CTNNA3: variants seen among roughly 807,000 people sequenced by gnomAD.
CTNNA3 encodes the protein catenin alpha-3.
In CTNNA3, 76 loss-of-function variants were observed where a neutral mutation model predicts 95.7. The ratio of observed to expected loss-of-function variants is 0.79; its 90% confidence interval spans 0.66 to 0.96. CTNNA3 has a LOEUF of 0.96. CTNNA3 is among the 40% of genes least tolerant of loss of function. The pLI is 0.00. For synonymous variants in CTNNA3, 431 were observed against 374.4 expected, an observed-to-expected ratio of 1.15 and a Z score of -1.74; for missense variants, 1,191 against 1,089.8, an observed-to-expected ratio of 1.09 and a Z score of -1.31.
At chr10:66,914,179 G>A (rs1241905658) in intron 7 of CTNNA3, among the ~76,000 whole-genome samples, 3 of 144,410 alleles carry the variant, frequency 2.1e-5, no homozygotes, top group African/African-American at 7.8e-5. Flanking sequence ...CCCCCAGGCT[G>A]GAGTGCAGTG....
rs753029606 is a variant in CTNNA3, at chr10:65,920,520, A to G, written c.2498T>C (p.Ile833Thr). 8 of 1,614,106 alleles carry G rather than the reference A, an allele frequency of 5.0e-6. No homozygotes were observed. The highest frequency in any genetic ancestry group is 5.9e-6 in the Non-Finnish European group (7 of 1,180,022). The change falls in exon 18 of 18, where the codon ATC becomes ACC. Residue 833 changes from isoleucine (I) to threonine (T), a missense_variant. Ile to Thr is a moderately conservative substitution (Grantham distance 89, BLOSUM62 -1). Coordinates refer to ENST00000433211, the MANE Select transcript of CTNNA3 (RefSeq NM_013266.4). ...GGGCCCAGCAGGACTCTGGATTCGG[A>G]TGATCTTGGTTGAGGCAATGTAAGA... The part of the protein sequence containing the change: ...KMSYIASTKI[I>T]RIQSPAGPRH...
chr10:67,163,595 G>A (rs1284271040), intron 7 of CTNNA3, among the ~76,000 whole-genome samples: 1 of 151,794 alleles, frequency 6.6e-6, no homozygotes, highest in Non-Finnish European at 1.5e-5. Context: ...CCACACTTAC[G>A]CACCATATTT....
intron 9 of CTNNA3, among the ~76,000 whole-genome samples, chr10:66,713,739 T>A (rs1848366759): frequency 6.6e-6 from 1 of 152,098 alleles, no homozygotes; most frequent in Admixed American, 6.6e-5. Context: ...TGAATCAGCA[T>A]TTAAAACTCA....
intron 1 of CTNNA3, among the ~76,000 whole-genome samples, chr10:67,718,386 T>C (rs185168592): frequency 6.6e-6 from 1 of 152,230 alleles, no homozygotes; most frequent in Admixed American, 6.5e-5. Flanking sequence ...TCTTGTCTTG[T>C]GCCAGTTTTC....
At chr10:67,017,315 G>C (rs191832648) in intron 7 of CTNNA3, among the ~76,000 whole-genome samples, 19 of 152,236 alleles carry the variant, frequency 1.2e-4, no homozygotes, top group Non-Finnish European at 8.8e-5. Flanking sequence ...AGTGAGGTTA[G>C]GTTAGTTACC....
At chr10:66,733,636 C>A (rs374940947) in intron 9 of CTNNA3, among the ~76,000 whole-genome samples, 1 of 151,480 alleles carries the variant, frequency 6.6e-6, no homozygotes, top group South Asian at 2.1e-4. Flanking sequence ...CTTACTTAAC[C>A]TCACTCAGGT....
At chr10:66,387,398 C>T (rs942501651) in intron 11 of CTNNA3, among the ~76,000 whole-genome samples, 4 of 152,142 alleles carry the variant, frequency 2.6e-5, no homozygotes, top group South Asian at 2.1e-4. Flanking sequence ...CAATGAGATA[C>T]CATCTCATGC....
intron 7 of CTNNA3, among the ~76,000 whole-genome samples, chr10:66,870,269 TCTC>T (rs1359766470): frequency 7.2e-5 from 11 of 152,174 alleles, no homozygotes; most frequent in Admixed American, 7.2e-4. Context: ...ACTATCCTAT[TCTC>T]CACTTCAGAT....
At chr10:66,545,136 A>C (rs1315242647) in intron 10 of CTNNA3, among the ~76,000 whole-genome samples, 1 of 152,066 alleles carries the variant, frequency 6.6e-6, no homozygotes, top group African/African-American at 2.4e-5. Context: ...ATAAAACAAA[A>C]ATTAAAAGTC....
At chr10:67,338,500 A>C (rs1036219742) in intron 5 of CTNNA3, among the ~76,000 whole-genome samples, 1 of 152,172 alleles carries the variant, frequency 6.6e-6, no homozygotes, top group African/African-American at 2.4e-5. Flanking sequence ...AAACATCCAC[A>C]CCATATCAGA....
At chr10:66,184,586 C>A (rs2086232608) in intron 13 of CTNNA3, among the ~76,000 whole-genome samples, 1 of 152,136 alleles carries the variant, frequency 6.6e-6, no homozygotes, top group Non-Finnish European at 1.5e-5. Flanking sequence ...TAACTCTATA[C>A]TATAAATCAC....
At chr10:66,983,960 T>C (rs1850587743) in intron 7 of CTNNA3, among the ~76,000 whole-genome samples, 1 of 152,204 alleles carries the variant, frequency 6.6e-6, no homozygotes, top group Admixed American at 6.5e-5. Flanking sequence ...AAATGGTAGA[T>C]ACTATTATTA....
intron 12 of CTNNA3, among the ~76,000 whole-genome samples, chr10:66,332,984 A>G (rs1474400884): frequency 2.0e-5 from 3 of 151,982 alleles, no homozygotes; most frequent in Non-Finnish European, 4.4e-5. Flanking sequence ...GAATTTATCC[A>G]TTTCTTTGAG....
chr10:67,079,655 C>G (rs1305704896), intron 7 of CTNNA3, among the ~76,000 whole-genome samples: 1 of 152,036 alleles, frequency 6.6e-6, no homozygotes, highest in Non-Finnish European at 1.5e-5. Flanking sequence ...CAAGACCAGC[C>G]TGGCCAATAT....
intron 12 of CTNNA3, among the ~76,000 whole-genome samples, chr10:66,298,145 A>G (rs1434531893): frequency 6.6e-6 from 1 of 152,198 alleles, no homozygotes; most frequent in Non-Finnish European, 1.5e-5. Context: ...CAGCCTCTAA[A>G]ATGTGTTAGA....
At chr10:66,071,100 G>A (rs1252570301) in intron 14 of CTNNA3, among the ~76,000 whole-genome samples, 4 of 152,092 alleles carry the variant, frequency 2.6e-5, no homozygotes, top group Non-Finnish European at 5.9e-5. Context: ...TCCAAAGGAA[G>A]ACTTAAGAGA....
At chr10:67,648,407 A>G (rs146059180) in intron 1 of CTNNA3, among the ~76,000 whole-genome samples, 97 of 152,328 alleles carry the variant, frequency 6.4e-4, no homozygotes, top group African/African-American at 2.2e-3. Context: ...GAGAGAGCAC[A>G]CTTCCTGAAA....
At chr10:66,129,983 A>G (rs569088569) in intron 13 of CTNNA3, among the ~76,000 whole-genome samples, 2 of 151,852 alleles carry the variant, frequency 1.3e-5, no homozygotes, top group South Asian at 2.1e-4. Context: ...CCACCACACC[A>G]CCATTGTCCT....
chr10:67,096,908 C>T (rs1858025424), intron 7 of CTNNA3, among the ~76,000 whole-genome samples: 1 of 151,856 alleles, frequency 6.6e-6, no homozygotes, highest in Non-Finnish European at 1.5e-5. Context: ...GACCAAACTA[C>T]AGACATTAAT....
Sources: allele counts gnomAD v4.1 joint callset (sites outside exome capture counted in the v4.1 genomes callset), GRCh38; gene constraint gnomAD v4.1.1; transcripts MANE v1.5; gene names NCBI Gene and HGNC (gene_info 2026-07-23, HGNC 2026-07-21).